Variants in MEGF11 observed in about 807,000 individuals in gnomAD.
MEGF11 encodes the protein multiple EGF like domains 11, also known as multiple epidermal growth factor-like domains protein 11.
MEGF11 carries 126 observed loss-of-function variants against 146.6 expected under a neutral mutation model. That is an observed-to-expected ratio of 0.86 (90% CI 0.74 to 1.00). The LOEUF is 1.00. MEGF11 is among the 50% of genes least tolerant of loss of function. MEGF11 has a pLI of 0.00. For missense variants in MEGF11, 1,509 were observed against 1,521.2 expected (o/e 0.99, Z 0.13); for synonymous variants, 532 against 583.4 (o/e 0.91, Z 1.27).
At chr15:66,218,192 C>T (rs1465749678) in intron 1 of MEGF11, among the ~76,000 whole-genome samples, 1 of 152,196 alleles carries the variant, frequency 6.6e-6, no homozygotes, top group East Asian at 1.9e-4. Flanking sequence ...CCAGCATTTA[C>T]ATCAATGTGG....
chr15:65,976,586 G>A (rs1185808312), intron 7 of MEGF11, among the ~76,000 whole-genome samples: 8 of 152,174 alleles, frequency 5.3e-5, no homozygotes, highest in Non-Finnish European at 8.8e-5. Flanking sequence ...CAACGCTGCC[G>A]ACACCTTGAT....
intron 4 of MEGF11, among the ~76,000 whole-genome samples, chr15:66,106,446 C>T (rs1319972289): frequency 6.6e-6 from 1 of 152,162 alleles, no homozygotes; most frequent in Non-Finnish European, 1.5e-5. Flanking sequence ...GCCATCACTT[C>T]CATAGCACCC....
chr15:65,965,302 C>A, intron 8 of MEGF11, 182 bp from the exon 9 acceptor site: 1 of 526,514 alleles, frequency 1.9e-6, no homozygotes. Flanking sequence ...TAGTTCGCCC[C>A]AGTCATTTCT....
At chr15:66,079,537 AC>A (rs56067269) in intron 5 of MEGF11, among the ~76,000 whole-genome samples, 79,258 of 122,190 alleles carry the variant, frequency 0.65, 23,749 homozygotes, top group Non-Finnish European at 0.66. Flanking sequence ...CTTCATTCAC[AC>A]CCCCCCCCCC....
At chr15:66,118,982 C>T in intron 4 of MEGF11, 104 bp downstream of exon 4, 1 of 750,030 alleles carries the variant, frequency 1.3e-6, no homozygotes, top group Non-Finnish European at 2.2e-6. Context: ...CTGAGGACTG[C>T]TGCCTAGGGG....
chr15:66,208,372 A>G (rs1187884550), intron 1 of MEGF11, among the ~76,000 whole-genome samples: 1 of 152,222 alleles, frequency 6.6e-6, no homozygotes, highest in Non-Finnish European at 1.5e-5. Flanking sequence ...AACACTATAG[A>G]TAAATCAAGA....
At chr15:66,144,499 T>C (rs2089293319) in intron 1 of MEGF11, among the ~76,000 whole-genome samples, 1 of 152,202 alleles carries the variant, frequency 6.6e-6, no homozygotes, top group Admixed American at 6.5e-5. Context: ...AAAGTGTCAG[T>C]GGGTGGCAGA....
intron 5 of MEGF11, among the ~76,000 whole-genome samples, chr15:66,083,436 A>C (rs1472511786): frequency 6.6e-6 from 1 of 152,186 alleles, no homozygotes; most frequent in Admixed American, 6.5e-5. Context: ...CTGGATATGC[A>C]CATGCAAAAA....
chr15:65,950,970 C>T (rs2080382623), intron 10 of MEGF11, among the ~76,000 whole-genome samples: 1 of 152,250 alleles, frequency 6.6e-6, no homozygotes, highest in African/African-American at 2.4e-5. Flanking sequence ...CCAGAAACTT[C>T]TGCTTTAAGG....
intron 5 of MEGF11, among the ~76,000 whole-genome samples, chr15:66,050,754 C>T (rs1038638864): frequency 6.6e-6 from 1 of 152,174 alleles, no homozygotes; most frequent in Non-Finnish European, 1.5e-5. Flanking sequence ...CATTGCAGCT[C>T]CAGGGGAGTC....
intron 1 of MEGF11, among the ~76,000 whole-genome samples, chr15:66,176,921 C>A (rs898321633): frequency 3.9e-5 from 6 of 152,302 alleles, no homozygotes; most frequent in Admixed American, 3.3e-4. Context: ...CCCCACAGAT[C>A]TTAAGCTTCA....
chr15:66,060,120 C>A (rs1397808035), intron 5 of MEGF11, among the ~76,000 whole-genome samples: 1 of 151,106 alleles, frequency 6.6e-6, no homozygotes, highest in South Asian at 2.1e-4. Context: ...AGATGAGTGA[C>A]TAGGAGATGG....
chr15:65,955,780 A>ATG lies in MEGF11; in HGVS notation c.1287+1766_1287+1767insCA, dbSNP rs2080587638. Among the ~76,000 whole-genome samples the ATG allele has an allele frequency of 8.9e-5, 3 of 33,816 alleles. 1 individual carries two copies. The highest frequency in any genetic ancestry group is 3.8e-3 in the East Asian group (2 of 530). 22.2% of individuals were successfully genotyped at this position (33,816 alleles called of 152,430 possible). On this transcript the variant is annotated intron_variant, in intron 10 of 25. Transcript: ENST00000395614. ...AAAAAAAATATATATATATATATAT[A>ATG]TATATATATATATACACACACACAC...
intron 1 of MEGF11, among the ~76,000 whole-genome samples, chr15:66,219,423 A>G (rs2091674831): frequency 6.6e-6 from 1 of 152,248 alleles, no homozygotes; most frequent in Non-Finnish European, 1.5e-5. Context: ...TTCACCAAAG[A>G]GGACATACAG....
intron 5 of MEGF11, among the ~76,000 whole-genome samples, chr15:66,090,244 G>T (rs550742757): frequency 5.2e-4 from 79 of 152,238 alleles, no homozygotes; most frequent in Middle Eastern, 3.4e-3. Flanking sequence ...GCAGGGTAGG[G>T]GCAGGGAGTT....
chr15:65,960,907 CTT>C (rs963975531), intron 9 of MEGF11, among the ~76,000 whole-genome samples: 4 of 152,112 alleles, frequency 2.6e-5, no homozygotes, highest in Non-Finnish European at 1.5e-5. Flanking sequence ...TAATTTTACT[CTT>C]TACTCTGAGA....
At chr15:65,945,922 C>G (rs2080176256) in intron 10 of MEGF11, among the ~76,000 whole-genome samples, 1 of 152,198 alleles carries the variant, frequency 6.6e-6, no homozygotes, top group South Asian at 2.1e-4. Context: ...CTATTGGGTT[C>G]AGGTCTTGGC....
At chr15:66,211,257 C>A (rs566607809) in intron 1 of MEGF11, among the ~76,000 whole-genome samples, 1 of 152,352 alleles carries the variant, frequency 6.6e-6, no homozygotes, top group South Asian at 2.1e-4. Flanking sequence ...GGCTTGGTGG[C>A]TCACGCCTGT....
At position 65,898,029 on chromosome 15, in the gene MEGF11, C is replaced by A. The variant is rs267604294; in HGVS notation, c.3328G>T (p.Asp1110Tyr). 7.4e-6 allele frequency: 12 copies of A among 1,613,814 alleles called. No individual in the cohort carries two copies. The African/African-American group carries it at 1.6e-4, about 22-fold the overall frequency. The change falls in exon 26 of 26, where the codon GAC (aspartate) becomes TAC (tyrosine). Residue 1110 changes from aspartate to tyrosine, a missense_variant. Asp to Tyr is a radical substitution (Grantham distance 160). Transcript: ENST00000395614. ...GGAATATGGCTGTTCCTAGGTAGGT[C>A]GTATGCATTCTGGATATAGCTGGAG... ...HNSSYIQNAY[D>Y]LPRNSHIPGH...
Sources: allele counts gnomAD v4.1 joint callset (sites outside exome capture counted in the v4.1 genomes callset), GRCh38; gene constraint gnomAD v4.1.1; transcripts MANE v1.5; gene names NCBI Gene and HGNC (gene_info 2026-07-23, HGNC 2026-07-21).